FAM184A: variants seen among roughly 807,000 people sequenced by gnomAD.
FAM184A encodes the protein family with sequence similarity 184 member A.
FAM184A carries 99 observed loss-of-function variants against 143.8 expected under a neutral mutation model. The ratio of observed to expected loss-of-function variants is 0.69; its 90% CI spans 0.58 to 0.81. The LOEUF is 0.81. Ranked by LOEUF, FAM184A falls within the 40% of genes least tolerant of loss-of-function variation. The probability of loss-of-function intolerance (pLI) is 0.00; values close to 1 mark genes in which losing one functional copy is unlikely to be tolerated. For synonymous variants in FAM184A, 427 were observed against 446.4 expected, an observed-to-expected ratio of 0.96 and a Z score of 0.55; for missense variants, 1,217 against 1,310.5, an observed-to-expected ratio of 0.93 and a Z score of 1.10.
intron 7 of FAM184A, among the ~76,000 whole-genome samples, chr6:119,004,333 T>C (rs1784858183): frequency 6.6e-6 from 1 of 152,224 alleles, no homozygotes; most frequent in Non-Finnish European, 1.5e-5. Context: ...TGACCCTTTC[T>C]AGATCATCCA....
intron 9 of FAM184A, among the ~76,000 whole-genome samples, chr6:118,999,283 C>A (rs1784675263): frequency 6.6e-6 from 1 of 152,122 alleles, no homozygotes; most frequent in African/African-American, 2.4e-5. Context: ...GTCTCTATTT[C>A]ATTCTTACTT....
chr6:119,007,974 A>T (rs569271271), intron 6 of FAM184A, among the ~76,000 whole-genome samples: 1 of 152,314 alleles, frequency 6.6e-6, no homozygotes, highest in South Asian at 2.1e-4. Flanking sequence ...GTAACAATGT[A>T]AAGAATTCAA....
intron 1 of FAM184A, among the ~76,000 whole-genome samples, chr6:119,033,046 C>A (rs1785950657): frequency 6.6e-6 from 1 of 152,014 alleles, no homozygotes; most frequent in Non-Finnish European, 1.5e-5. Context: ...CCCAGACCAG[C>A]CTTATAAATA....
At chr6:119,099,307 T>G (rs1199971644) in intron 1 of FAM184A, among the ~76,000 whole-genome samples, 2 of 152,124 alleles carry the variant, frequency 1.3e-5, no homozygotes, top group Non-Finnish European at 2.9e-5. Flanking sequence ...ACCAAACTTC[T>G]CATGACTGTA....
Position 119,002,966 on chromosome 6 carries a change from A to G in FAM184A, c.2021T>C (p.Leu674Ser). Reference sequence around the variant, plus strand: ...TGCTGCATTTTTCTCTCGATCTTTCAACTGCAAAAGTTGAGACATTGCTGA... The same window carrying G: ...TGCTGCATTTTTCTCTCGATCTTTCGACTGCAAAAGTTGAGACATTGCTGA... ...KKSAMSQLLQ[L>S]KDREKNAARD... Residue 674 changes from leucine (L) to serine (S), a missense_variant, in exon 9 of 18, where the codon TTG becomes TCG. Leu to Ser is a moderately radical substitution (Grantham distance 145). Transcript: ENST00000338891. 6.2e-7 allele frequency: 1 copy of G among 1,613,056 alleles called. No homozygotes were observed. The highest frequency in any genetic ancestry group is 8.5e-7 in the Non-Finnish European group (1 of 1,179,622).
At chr6:119,138,936 A>T (rs1024209515) in intron 1 of FAM184A, among the ~76,000 whole-genome samples, 2 of 152,042 alleles carry the variant, frequency 1.3e-5, no homozygotes, top group African/African-American at 4.8e-5. Flanking sequence ...CCTTTCATTT[A>T]TAATGATTCT....
At position 119,020,074 on chromosome 6, in the gene FAM184A, C is replaced by T. The variant is rs1785390122; in HGVS notation, c.1236G>A (p.Glu412=). The T allele has an allele frequency of 1.2e-6, 2 of 1,609,782 alleles. No homozygotes were observed. Among genetic ancestry groups the T allele is most frequent in the Non-Finnish European group, 1.7e-6 (2 of 1,178,820 alleles). Residue 412 remains glutamate (E), a synonymous_variant, in exon 4 of 18, where the codon GAG becomes GAA. Transcript: ENST00000338891. ...TTTCCTCTTCAAGTTGAGATAATCT[C>T]TCATTGACTCTCGATTTTTCTGATT... ...DLESEKSRVN[E]RLSQLEEERA...
At chr6:118,976,102 A>G in intron 11 of FAM184A, 58 bp from the exon 12 acceptor site, 3 of 1,527,692 alleles carry the variant, frequency 2.0e-6, no homozygotes, top group Non-Finnish European at 2.6e-6. Context: ...TCAATACTTT[A>G]GATAAAAATT....
intron 1 of FAM184A, among the ~76,000 whole-genome samples, chr6:119,147,048 G>T (rs1240031323): frequency 6.6e-6 from 1 of 151,092 alleles, no homozygotes; most frequent in Admixed American, 6.6e-5. Flanking sequence ...ATCCAGCGGG[G>T]GCAGTGGCAG....
intron 4 of FAM184A, among the ~76,000 whole-genome samples, chr6:119,018,192 G>A (rs192813504): frequency 1.1e-4 from 17 of 152,178 alleles, no homozygotes; most frequent in Non-Finnish European, 1.9e-4. Context: ...GTGCATGTGC[G>A]TGTGCATGTG....
chr6:119,100,651 T>G (rs1242052726), intron 1 of FAM184A, among the ~76,000 whole-genome samples: 1 of 151,940 alleles, frequency 6.6e-6, no homozygotes, highest in African/African-American at 2.4e-5. Context: ...TGGTTTAGTT[T>G]TCTTGAACAT....
chr6:119,045,344 C>T (rs1786486716), intron 1 of FAM184A, among the ~76,000 whole-genome samples: 1 of 147,128 alleles, frequency 6.8e-6, no homozygotes, highest in Non-Finnish European at 1.5e-5. Flanking sequence ...AGGAAAGAGA[C>T]CCTAATAGGA....
chr6:119,001,300 G>A (rs1267319598), intron 9 of FAM184A, among the ~76,000 whole-genome samples: 1 of 151,248 alleles, frequency 6.6e-6, no homozygotes, highest in Non-Finnish European at 1.5e-5. Flanking sequence ...CAATTCAGAA[G>A]TGTGGAAAAA....
rs148715677 is a variant in FAM184A, at chr6:118,993,020, C to A, written c.2088+9879G>T. 3.5e-3 allele frequency among the ~76,000 whole-genome samples: 527 copies of A among 152,310 alleles called. 5 individuals carry two copies. Among genetic ancestry groups the A allele is most frequent in the African/African-American group, 0.012 (504 of 41,572 alleles). ...TGTTATTGCAGTCCAAGTGAAGACA[C>A]CATGTCTGCTTAAATAAATACTGGA... On this transcript the variant is annotated intron_variant, in intron 9 of 17. Transcript: ENST00000338891.
chr6:119,024,072 T>C lies in FAM184A; in HGVS notation c.901A>G (p.Thr301Ala), dbSNP rs199896964. 3 of 1,614,162 alleles carry C rather than the reference T, an allele frequency of 1.9e-6. No homozygotes were observed. The highest frequency in any genetic ancestry group is 2.5e-6 in the Non-Finnish European group (3 of 1,180,036). ...AACTCTGTCTTTAATTTTCCTATAG[T>C]TTTTCGTAAAATTGCTTCTTGTCCC... ...FQGQEAILRK[T>A]IGKLKTELQM... is the part of the protein sequence containing the mutation. Residue 301 changes from threonine to alanine, a missense_variant, in exon 2 of 18, where the codon ACT becomes GCT. Coordinates refer to ENST00000338891, the MANE Select transcript of FAM184A (RefSeq NM_024581.6).
chr6:119,094,500 G>A (rs1788455203), intron 1 of FAM184A, among the ~76,000 whole-genome samples: 1 of 152,196 alleles, frequency 6.6e-6, no homozygotes, highest in Non-Finnish European at 1.5e-5. Flanking sequence ...GTGAGAGTTT[G>A]ATTGTTATGC....
At chr6:119,016,344 T>C (rs958394116) in intron 5 of FAM184A, among the ~76,000 whole-genome samples, 1 of 152,182 alleles carries the variant, frequency 6.6e-6, no homozygotes, top group Non-Finnish European at 1.5e-5. Context: ...TAAATCTTGC[T>C]ACTGCTCACT....
intron 1 of FAM184A, among the ~76,000 whole-genome samples, chr6:119,139,488 T>G (rs183227626): frequency 2.0e-5 from 3 of 152,100 alleles, no homozygotes; most frequent in Non-Finnish European, 4.4e-5. Context: ...GGGAGAAAAA[T>G]TAGGCACTTT....
At chr6:119,002,684 C>A (rs1421270772) in intron 9 of FAM184A, among the ~76,000 whole-genome samples, 2 of 152,038 alleles carry the variant, frequency 1.3e-5, no homozygotes, top group African/African-American at 4.8e-5. Flanking sequence ...ATAATAAATT[C>A]TTCTCGGTAT....
Sources: gnomAD v4.1 joint callset for allele counts (sites outside exome capture counted in the v4.1 genomes callset) on GRCh38, gnomAD v4.1.1 for gene constraint, MANE v1.5 for transcripts, NCBI Gene and HGNC (gene_info 2026-07-23, HGNC 2026-07-21) for gene names.